Variants in KIF9 observed in about 807,000 individuals in gnomAD.
KIF9 encodes the protein kinesin family member 9.
A neutral mutation model predicts 94.8 loss-of-function variants in KIF9; 68 were observed. The ratio of observed to expected loss-of-function variants is 0.72; its 90% CI spans 0.59 to 0.88. The LOEUF (loss-of-function observed/expected upper bound fraction) is 0.88, where lower values mean the gene tolerates loss of function less well. Among genes scored for constraint, KIF9 ranks in the 40% least tolerant of loss-of-function variants. The pLI, the probability that KIF9 is intolerant of heterozygous loss-of-function variation, is 0.00. For synonymous variants in KIF9, 343 were observed against 362.1 expected, an observed-to-expected ratio of 0.95 and a Z score of 0.60; for missense variants, 882 against 982.5, an observed-to-expected ratio of 0.90 and a Z score of 1.37.
At chr3:47,268,965 G>T (rs1701463133) in intron 5 of KIF9, among the ~76,000 whole-genome samples, 2 of 152,016 alleles carry the variant, frequency 1.3e-5, no homozygotes, top group Non-Finnish European at 2.9e-5. Flanking sequence ...ATAGAGAGGG[G>T]GTTTCACCAT....
chr3:47,245,056 A>C (rs772963066), intron 14 of KIF9, 132 bp from the exon 15 acceptor site: 13 of 1,245,246 alleles, frequency 1.0e-5, no homozygotes, highest in Non-Finnish European at 1.4e-5. Context: ...ACAGCTGCTG[A>C]TGCCAGCCTC....
At chr3:47,257,397 G>A in intron 10 of KIF9, 86 bp downstream of exon 10, 1 of 1,181,200 alleles carries the variant, frequency 8.5e-7, no homozygotes. Context: ...GTTGAGGCAG[G>A]AAGGGAAGGC....
intron 1 of KIF9, among the ~76,000 whole-genome samples, chr3:47,278,382 T>TA (rs1297261219): frequency 2.0e-5 from 3 of 152,184 alleles, no homozygotes; most frequent in Non-Finnish European, 2.9e-5. Flanking sequence ...CAATATTTTT[T>TA]AAAAAATTAA....
intron 20 of KIF9, among the ~76,000 whole-genome samples, chr3:47,228,931 C>G (rs747068571): frequency 1.1e-4 from 17 of 152,140 alleles, no homozygotes; most frequent in Admixed American, 3.3e-4. Flanking sequence ...AACAGTCTGG[C>G]AGGCATATTT....
intron 1 of KIF9, chr3:47,281,138 A>G: frequency 1.5e-6 from 1 of 661,120 alleles, no homozygotes; most frequent in Admixed American, 2.2e-5. Context: ...GGTGATGGTA[A>G]TGGCTGGAAG....
At position 47,282,763 on chromosome 3, in the gene KIF9, T is replaced by G; in HGVS notation, c.-274A>C. 7.0e-7 allele frequency: 1 copy of G among 1,428,104 alleles called. No homozygotes were observed. Among genetic ancestry groups the G allele is most frequent in the East Asian group, 2.5e-5 (1 of 39,296 alleles). The allele number at this position is 1,428,104 out of a possible 1,614,324, so 88.5% of individuals were successfully genotyped here. On this transcript the variant is annotated 5_prime_UTR_variant, in exon 1 of 21. Coordinates refer to ENST00000684063, the MANE Select transcript of KIF9 (RefSeq NM_182902.4). ...TGCACATGCGAAGTCAAGGTCGAGA[T>G]AGCGAGGGAACGAAGGCCGCACATG...
chr3:47,254,670 G>C (rs1700463617), intron 10 of KIF9, among the ~76,000 whole-genome samples: 1 of 152,144 alleles, frequency 6.6e-6, no homozygotes, highest in African/African-American at 2.4e-5. Context: ...ATGGAGGAAA[G>C]AGCAGGGTGC....
intron 1 of KIF9, among the ~76,000 whole-genome samples, chr3:47,280,540 T>C (rs2107541162): frequency 6.6e-6 from 1 of 152,286 alleles, no homozygotes; most frequent in South Asian, 2.1e-4. Context: ...ACCTTGTCTC[T>C]ACAAAAAATT....
At chr3:47,274,025 C>G (rs1265731894) in intron 3 of KIF9, among the ~76,000 whole-genome samples, 1 of 152,200 alleles carries the variant, frequency 6.6e-6, no homozygotes, top group African/African-American at 2.4e-5. Flanking sequence ...CAGCCCTTCT[C>G]TAGCACAGCT....
At position 47,232,843 on chromosome 3, in the gene KIF9, G is replaced by A. The variant is rs184023456; in HGVS notation, c.2322+2670C>T. Among the ~76,000 whole-genome samples the A allele has an allele frequency of 4.3e-3, 649 of 151,344 alleles. 3 individuals carry two copies. The highest frequency in any genetic ancestry group is 0.015 in the African/African-American group (600 of 41,298). Reference sequence around the variant, plus strand: ...TAAAAATACAAAAAATTAGCTGGGCGTGGTGGCGGGCACCTGTAGTCCCAG... The same window carrying A: ...TAAAAATACAAAAAATTAGCTGGGCATGGTGGCGGGCACCTGTAGTCCCAG... On this transcript the variant is annotated intron_variant, in intron 20 of 20. Coordinates refer to ENST00000684063, the MANE Select transcript of KIF9 (RefSeq NM_182902.4).
At chr3:47,244,948 G>C (rs758673324) in intron 14 of KIF9, 24 bp from the exon 15 acceptor site, 1 of 1,613,560 alleles carries the variant, frequency 6.2e-7, no homozygotes, top group Non-Finnish European at 8.5e-7. Context: ...CCAGCCAAAG[G>C]TCTGTGAGTT....
At chr3:47,232,131 G>C (rs576086977) in intron 20 of KIF9, among the ~76,000 whole-genome samples, 2 of 152,256 alleles carry the variant, frequency 1.3e-5, no homozygotes, top group South Asian at 4.1e-4. Flanking sequence ...GAGGGAGCTC[G>C]TTAGTTTATT....
intron 10 of KIF9, chr3:47,250,522 A>T (rs1700203729): frequency 2.3e-6 from 1 of 433,802 alleles, no homozygotes; most frequent in Non-Finnish European, 4.8e-6. Flanking sequence ...TTTTTTTTTC[A>T]GATCAGACGG....
At chr3:47,264,432 G>T in intron 8 of KIF9, 82 bp from the exon 9 acceptor site, 1 of 1,115,286 alleles carries the variant, frequency 9.0e-7, no homozygotes, top group Non-Finnish European at 1.4e-6. Context: ...GTTATATACT[G>T]AATGCTTTTT....
chr3:47,235,675 G>T, intron 19 of KIF9, 58 bp from the exon 20 acceptor site: 2 of 1,385,142 alleles, frequency 1.4e-6, no homozygotes, highest in Non-Finnish European at 2.1e-6. Flanking sequence ...AGCAGAGCCT[G>T]TGGTGTGCAT....
chr3:47,264,081 T>C (rs528699906), intron 9 of KIF9: 6 of 574,628 alleles, frequency 1.0e-5, no homozygotes, highest in African/African-American at 7.4e-5. Flanking sequence ...TGGCTGGCCC[T>C]TTTCCTCCGC....
chr3:47,251,971 G>C (rs1319140387), intron 10 of KIF9, among the ~76,000 whole-genome samples: 1 of 152,176 alleles, frequency 6.6e-6, no homozygotes, highest in African/African-American at 2.4e-5. Flanking sequence ...TCGCCACAGA[G>C]AGCTTGTGGA....
chr3:47,231,577 T>C (rs191453577), intron 20 of KIF9, among the ~76,000 whole-genome samples: 211 of 152,030 alleles, frequency 1.4e-3, no homozygotes, highest in African/African-American at 4.6e-3. Flanking sequence ...TGCACCACCA[T>C]GGCTGGCTAA....
chr3:47,233,629 G>A lies in KIF9; in HGVS notation c.2322+1884C>T, dbSNP rs370003108. On this transcript the variant is annotated intron_variant, in intron 20 of 20. Coordinates refer to ENST00000684063, the MANE Select transcript of KIF9 (RefSeq NM_182902.4). ...GAGGATCGCTTCAATCTGTGAGGTC[G>A]AGGCTGTAATGAGCCATGATCATGC... 1.6e-4 allele frequency among the ~76,000 whole-genome samples: 25 copies of A among 151,864 alleles called. No individual in the cohort carries two copies. The East Asian group carries it at 3.9e-3, about 24-fold the overall frequency.
Sources: gnomAD v4.1 joint callset for allele counts (sites outside exome capture counted in the v4.1 genomes callset) on GRCh38, gnomAD v4.1.1 for gene constraint, MANE v1.5 for transcripts, NCBI Gene and HGNC (gene_info 2026-07-23, HGNC 2026-07-21) for gene names.